EEFSEC: variants seen among roughly 807,000 people sequenced by gnomAD.
The protein encoded by EEFSEC is eukaryotic elongation factor, selenocysteine-tRNA specific.
A neutral mutation model predicts 42.1 loss-of-function variants in EEFSEC; 43 were observed. The observed-to-expected ratio is 1.02, with a 90% CI of 0.80 to 1.32. The LOEUF (loss-of-function observed/expected upper bound fraction) is 1.32, where lower values mean the gene tolerates loss of function less well. EEFSEC is among the 40% of genes most tolerant of loss of function. EEFSEC has a pLI of 0.00. For missense variants in EEFSEC, 745 were observed against 803.6 expected, an observed-to-expected ratio of 0.93 and a Z score of 0.88; for synonymous variants, 354 against 339.1, an observed-to-expected ratio of 1.04 and a Z score of -0.48.
chr3:128,281,809 C>T (rs535129400), intron 4 of EEFSEC, among the ~76,000 whole-genome samples: 1 of 152,306 alleles, frequency 6.6e-6, no homozygotes, highest in South Asian at 2.1e-4. Flanking sequence ...AGCCTTATGG[C>T]TGATGGGGGC....
chr3:128,331,870 T>C (rs901353322), intron 4 of EEFSEC, among the ~76,000 whole-genome samples: 4 of 152,060 alleles, frequency 2.6e-5, no homozygotes, highest in African/African-American at 4.8e-5. Flanking sequence ...CCACCCACTT[T>C]AGAGAAAAAT....
intron 1 of EEFSEC, among the ~76,000 whole-genome samples, chr3:128,159,152 G>A (rs779713391): frequency 1.3e-5 from 2 of 152,202 alleles, no homozygotes; most frequent in Non-Finnish European, 2.9e-5. Flanking sequence ...GTGCCTGCTC[G>A]GGCCCAGGCC....
At chr3:128,207,076 T>C (rs2065704980) in intron 1 of EEFSEC, among the ~76,000 whole-genome samples, 1 of 152,242 alleles carries the variant, frequency 6.6e-6, no homozygotes, top group African/African-American at 2.4e-5. Flanking sequence ...CTTCTACTGC[T>C]ATAATTCAGG....
At chr3:128,183,780 T>C (rs1014539554) in intron 1 of EEFSEC, among the ~76,000 whole-genome samples, 2 of 152,226 alleles carry the variant, frequency 1.3e-5, no homozygotes, top group Non-Finnish European at 2.9e-5. Flanking sequence ...TGGAGAGATA[T>C]TCGAGAATTC....
chr3:128,260,606 A>G (rs2066287075), intron 2 of EEFSEC, among the ~76,000 whole-genome samples: 1 of 152,244 alleles, frequency 6.6e-6, no homozygotes, highest in South Asian at 2.1e-4. Flanking sequence ...GTTCTCTGGA[A>G]GAAGGGCTTT....
intron 4 of EEFSEC, among the ~76,000 whole-genome samples, chr3:128,320,086 T>G (rs1438971906): frequency 6.6e-6 from 1 of 152,246 alleles, no homozygotes; most frequent in African/African-American, 2.4e-5. Context: ...GCCTGCCACC[T>G]GTTTTGATAA....
intron 1 of EEFSEC, among the ~76,000 whole-genome samples, chr3:128,166,139 G>C (rs2065240729): frequency 6.6e-6 from 1 of 152,248 alleles, no homozygotes; most frequent in African/African-American, 2.4e-5. Flanking sequence ...TTCGGCACTT[G>C]CTGTCTGACC....
Position 128,295,451 on chromosome 3 carries a change from CTTTTT to C in EEFSEC, c.786+30689_786+30693del, listed in dbSNP as rs201911929. Among the ~76,000 whole-genome samples, 454 of 64,006 alleles carry C rather than the reference CTTTTT, an allele frequency of 7.1e-3. 5 individuals carry two copies. The highest frequency in any genetic ancestry group is 0.02 in the Middle Eastern group (1 of 50). The allele number at this position is 64,006 out of a possible 152,430, so 42.0% of individuals were successfully genotyped here. ...AGGCATTTTTCTGTACTTCCCCCTACTTTTTTTTTTTTTTTTTTTTTTTGCTGGCA... is the reference window on the plus strand; with the variant it reads ...AGGCATTTTTCTGTACTTCCCCCTACTTTTTTTTTTTTTTTTTTGCTGGCA... On this transcript the variant is annotated intron_variant, in intron 4 of 6. Coordinates refer to ENST00000254730, the MANE Select transcript of EEFSEC (RefSeq NM_021937.5).
At chr3:128,358,579 T>A (rs1470965750) in intron 6 of EEFSEC, among the ~76,000 whole-genome samples, 1 of 152,134 alleles carries the variant, frequency 6.6e-6, no homozygotes, top group African/African-American at 2.4e-5. Context: ...GGAGTGAAGA[T>A]CTGGTCTGAG....
At chr3:128,370,634 C>T (rs184024987) in intron 6 of EEFSEC, among the ~76,000 whole-genome samples, 95 of 152,320 alleles carry the variant, frequency 6.2e-4, no homozygotes, top group African/African-American at 2.0e-3. Flanking sequence ...TCCCTCTCCC[C>T]GACCACCCAC....
At position 128,199,741 on chromosome 3, in the gene EEFSEC, AT is replaced by A. The variant is rs370174668; in HGVS notation, c.316+45928del. 1.8e-3 allele frequency among the ~76,000 whole-genome samples: 273 copies of A among 150,650 alleles called. 4 individuals are homozygous for A. Among genetic ancestry groups the A allele is most frequent in the African/African-American group, 6.2e-3 (254 of 41,056 alleles). ...ACTGGTTGTCTGTTTTATAAAAATA[AT>A]TTTTTTTTTGAGATGGGGTCTCACT... On this transcript the variant is annotated intron_variant, in intron 1 of 6. Coordinates refer to ENST00000254730, the MANE Select transcript of EEFSEC (RefSeq NM_021937.5).
intron 4 of EEFSEC, among the ~76,000 whole-genome samples, chr3:128,284,910 GT>G (rs34887760): frequency 0.016 from 2,258 of 143,672 alleles, 40 homozygotes; most frequent in East Asian, 0.077. Flanking sequence ...ATGCTTTAAC[GT>G]TTTTTTTTTT....
chr3:128,186,929 C>G (rs377578240), intron 1 of EEFSEC, among the ~76,000 whole-genome samples: 1 of 152,186 alleles, frequency 6.6e-6, no homozygotes, highest in African/African-American at 2.4e-5. Flanking sequence ...GCTTACCTTC[C>G]CAGCCTGTCT....
chr3:128,164,027 G>A (rs1238780200), intron 1 of EEFSEC, among the ~76,000 whole-genome samples: 1 of 151,940 alleles, frequency 6.6e-6, no homozygotes, highest in African/African-American at 2.4e-5. Context: ...GCCATCTTAA[G>A]TGTACAGTGT....
intron 1 of EEFSEC, among the ~76,000 whole-genome samples, chr3:128,220,205 G>C (rs967356532): frequency 6.6e-6 from 1 of 152,166 alleles, no homozygotes; most frequent in Non-Finnish European, 1.5e-5. Context: ...AGTCATTCTG[G>C]CTCCAGAGTC....
intron 4 of EEFSEC, among the ~76,000 whole-genome samples, chr3:128,296,630 C>T (rs538026753): frequency 1.2e-3 from 167 of 140,680 alleles, no homozygotes; most frequent in African/African-American, 4.3e-3. Flanking sequence ...GGAGGCAGCT[C>T]GAAGGTTACC....
At chr3:128,320,986 G>A (rs997977483) in intron 4 of EEFSEC, among the ~76,000 whole-genome samples, 1 of 152,234 alleles carries the variant, frequency 6.6e-6, no homozygotes, top group African/African-American at 2.4e-5. Context: ...GATTGAGTAG[G>A]TTAATCCATG....
rs528081763 is a variant in EEFSEC, at chr3:128,255,237, G to A, written c.525-6891G>A. Among the ~76,000 whole-genome samples the A allele has an allele frequency of 5.3e-5, 8 of 152,230 alleles. No individual in the cohort carries two copies. The South Asian group carries it at 1.2e-3, about 24-fold the overall frequency. ...CTCTTTGGGGAGGCCTGCAGTGGGC[G>A]CATGAGTGATGAAGAAGGGCCTCTC... On this transcript the variant is annotated intron_variant, in intron 2 of 6. Transcript: ENST00000254730.
chr3:128,369,615 G>A (rs1005809985), intron 6 of EEFSEC, among the ~76,000 whole-genome samples: 3 of 152,224 alleles, frequency 2.0e-5, no homozygotes, highest in African/African-American at 7.2e-5. Context: ...CAAAGAACAA[G>A]AGCTTCGGAG....
Sources: gnomAD v4.1 joint callset for allele counts (sites outside exome capture counted in the v4.1 genomes callset) on GRCh38, gnomAD v4.1.1 for gene constraint, MANE v1.5 for transcripts, NCBI Gene and HGNC (gene_info 2026-07-23, HGNC 2026-07-21) for gene names.